TP53BP2: variants seen among roughly 807,000 people sequenced by gnomAD.
TP53BP2 encodes the protein tumor protein p53 binding protein 2, also known as apoptosis-stimulating of p53 protein 2.
A neutral mutation model predicts 126.2 loss-of-function variants in TP53BP2; 62 were observed. The observed-to-expected ratio is 0.49, with a 90% confidence interval of 0.40 to 0.61. The LOEUF (loss-of-function observed/expected upper bound fraction) is 0.61, where lower values mean the gene tolerates loss of function less well. Among genes scored for constraint, TP53BP2 ranks in the 20% least tolerant of loss-of-function variants. The pLI is 0.00. For missense variants in TP53BP2, 1,215 were observed against 1,402.8 expected (o/e 0.87, Z 2.14); for synonymous variants, 485 against 502.9 (o/e 0.96, Z 0.48).
Position 223,807,009 on chromosome 1 carries a change from C to A in TP53BP2, c.373-62G>T. ...TACTATAAAACTACCACAGAGATTC[C>A]GCCCTCAAAGGTCTATGTAAAAGCT... On this transcript the variant is annotated intron_variant, in intron 4 of 17. Transcript: ENST00000343537. The A allele has an allele frequency of 3.1e-6, 4 of 1,308,588 alleles. No individual in the cohort carries two copies. In the South Asian group the frequency reaches 4.9e-5, roughly 16 times the overall value. 81.1% of individuals were successfully genotyped at this position (1,308,588 alleles called of 1,614,324 possible). A position where few individuals can be genotyped will look rare whatever the true frequency, so the allele number is the denominator to read the frequency against.
At chr1:223,784,932 C>T (rs557398200) in intron 16 of TP53BP2, among the ~76,000 whole-genome samples, 61 of 152,282 alleles carry the variant, frequency 4.0e-4, no homozygotes, top group African/African-American at 1.3e-3. Flanking sequence ...TAAAAGATGT[C>T]GAAATCCTCA....
intron 1 of TP53BP2, among the ~76,000 whole-genome samples, chr1:223,824,063 T>A (rs1275777610): frequency 6.6e-6 from 1 of 152,244 alleles, no homozygotes; most frequent in Non-Finnish European, 1.5e-5. Flanking sequence ...TATTTTCTCT[T>A]TATAAATGAA....
At chr1:223,805,098 A>AGGT (rs1662668989) in intron 5 of TP53BP2, among the ~76,000 whole-genome samples, 1 of 152,164 alleles carries the variant, frequency 6.6e-6, no homozygotes, top group South Asian at 2.1e-4. Context: ...AGAGCCACAC[A>AGGT]ATTTATAATC....
At chr1:223,812,672 G>A (rs915015561) in intron 3 of TP53BP2, among the ~76,000 whole-genome samples, 2 of 152,020 alleles carry the variant, frequency 1.3e-5, no homozygotes, top group East Asian at 1.9e-4. Context: ...CGATTCTCCC[G>A]CCTCAGCCTC....
intron 1 of TP53BP2, among the ~76,000 whole-genome samples, chr1:223,827,926 A>G (rs2102879782): frequency 6.6e-6 from 1 of 152,284 alleles, no homozygotes; most frequent in South Asian, 2.1e-4. Flanking sequence ...TTACAAATTT[A>G]CTGTATTACA....
At chr1:223,806,446 T>G (rs1457963257) in intron 5 of TP53BP2, among the ~76,000 whole-genome samples, 1 of 152,186 alleles carries the variant, frequency 6.6e-6, no homozygotes, top group Non-Finnish European at 1.5e-5. Flanking sequence ...ACCTCATATC[T>G]GTGAGGTAAT....
chr1:223,787,380 T>C (rs1347668042), intron 16 of TP53BP2, among the ~76,000 whole-genome samples: 1 of 150,840 alleles, frequency 6.6e-6, no homozygotes, highest in African/African-American at 2.4e-5. Flanking sequence ...CATAAATATA[T>C]AAAATTTATA....
chr1:223,786,869 G>A (rs1661985470), intron 16 of TP53BP2, among the ~76,000 whole-genome samples: 1 of 151,794 alleles, frequency 6.6e-6, no homozygotes, highest in South Asian at 2.1e-4. Context: ...GCCTCCCAAA[G>A]TGCTGGGATT....
At chr1:223,791,291 T>A (rs1153938) in intron 15 of TP53BP2, among the ~76,000 whole-genome samples, 30,701 of 151,636 alleles carry the variant, frequency 0.2, 5,320 homozygotes, top group African/African-American at 0.46. Context: ...TAAAAAATAA[T>A]TTTTTTTTAA....
At position 223,796,512 on chromosome 1, in the gene TP53BP2, T is replaced by C; in HGVS notation, c.2027A>G (p.Lys676Arg). 1.2e-6 allele frequency: 2 copies of C among 1,614,180 alleles called. No homozygotes were observed. The highest frequency in any genetic ancestry group is 8.5e-7 in the Non-Finnish European group (1 of 1,180,022). The part of the protein sequence containing the change: ...PENIYSNSQG[K>R]PGSPEPETEP... ...TGTTTCAGGTTCTGGACTGCCAGGCTTGCCCTGGCTATTGGAATAAATGTT... is the reference window on the plus strand; with the variant it reads ...TGTTTCAGGTTCTGGACTGCCAGGCCTGCCCTGGCTATTGGAATAAATGTT... The change falls in exon 13 of 18, where the codon AAG becomes AGG. Residue 676 changes from lysine (K) to arginine (R), a missense_variant. By Grantham distance (26) the Lys-to-Arg change is conservative. This residue lies in a region of TP53BP2 where 814 missense variants were observed against 853.0 expected (regional missense o/e 0.95). Transcript: ENST00000343537. The surrounding 1 kb of genome is among the most constrained non-coding windows in gnomAD (Gnocchi z 4.2).
intron 16 of TP53BP2, among the ~76,000 whole-genome samples, chr1:223,784,689 T>A (rs1171958558): frequency 6.6e-6 from 1 of 152,192 alleles, no homozygotes; most frequent in East Asian, 1.9e-4. Flanking sequence ...AATTTCAGCC[T>A]ACTCCCAAAT....
intron 11 of TP53BP2, among the ~76,000 whole-genome samples, chr1:223,799,018 G>C (rs528305773): frequency 9.2e-5 from 14 of 152,256 alleles, no homozygotes; most frequent in Non-Finnish European, 1.8e-4. Flanking sequence ...GTTGTAGTGA[G>C]CTAAGATTGC....
intron 1 of TP53BP2, among the ~76,000 whole-genome samples, chr1:223,842,269 G>T (rs1207085407): frequency 1.3e-5 from 2 of 152,122 alleles, no homozygotes; most frequent in Non-Finnish European, 2.9e-5. Flanking sequence ...ATCTATATAA[G>T]GGCTATATGA....
At chr1:223,831,327 A>T (rs1340164196) in intron 1 of TP53BP2, among the ~76,000 whole-genome samples, 1 of 148,618 alleles carries the variant, frequency 6.7e-6, no homozygotes, top group Non-Finnish European at 1.5e-5. Context: ...GACCCCAGGA[A>T]TTCAAGGTTA....
rs1033926163 is a variant in TP53BP2 at position 223,802,796 on chromosome 1, C to T, written c.931G>A (p.Val311Ile). 14 of 1,614,096 alleles carry T rather than the reference C, an allele frequency of 8.7e-6. No homozygotes were observed. Among genetic ancestry groups the T allele is most frequent in the Non-Finnish European group, 1.2e-5 (14 of 1,180,036 alleles). ...CACAGCCGGTCCCTCAGCTCATTAA[C>T]ACGCTTATCCATGACTGCCACTTCT... ...NSEVAVMDKR[V>I]NELRDRLWKK... Residue 311 changes from valine to isoleucine, a missense_variant, in exon 8 of 18, where the codon GTT becomes ATT. Transcript: ENST00000343537.
At chr1:223,793,279 A>C (rs781758079) in intron 14 of TP53BP2, 24 bp downstream of exon 14, 1 of 1,524,502 alleles carries the variant, frequency 6.6e-7, no homozygotes, top group Non-Finnish European at 8.8e-7. Context: ...CTCAAAAAAA[A>C]AAATTTACTA....
intron 17 of TP53BP2, among the ~76,000 whole-genome samples, chr1:223,782,508 T>C (rs1436095425): frequency 1.3e-5 from 2 of 152,216 alleles, no homozygotes; most frequent in Non-Finnish European, 2.9e-5. Context: ...AAAGCTTTTT[T>C]TTAAGACAGG....
At chr1:223,830,809 G>A (rs1317839513) in intron 1 of TP53BP2, among the ~76,000 whole-genome samples, 2 of 152,116 alleles carry the variant, frequency 1.3e-5, no homozygotes, top group African/African-American at 4.8e-5. Flanking sequence ...AAAAATATAT[G>A]TACCATCGGC....
At chr1:223,838,953 T>C (rs1161030038) in intron 1 of TP53BP2, among the ~76,000 whole-genome samples, 1 of 152,010 alleles carries the variant, frequency 6.6e-6, no homozygotes, top group African/African-American at 2.4e-5. Flanking sequence ...ATAAGAGAAC[T>C]ATCTGCCAAT....
Sources: gnomAD v4.1 joint callset for allele counts (sites outside exome capture counted in the v4.1 genomes callset) on GRCh38, gnomAD v4.1.1 for gene constraint, gnomAD v4.1.1 regional missense constraint, Gnocchi (gnomAD v3.1) non-coding constraint, MANE v1.5 for transcripts, NCBI Gene and HGNC (gene_info 2026-07-23, HGNC 2026-07-21) for gene names.